Variants in SH3KBP1 observed in about 807,000 individuals in gnomAD.
The protein encoded by SH3KBP1 is SH3 domain-containing kinase-binding protein 1.
Under a neutral mutation model 50.1 loss-of-function variants are expected in SH3KBP1, and 8 were observed. That is an observed-to-expected ratio of 0.16 (90% CI 0.09 to 0.29). The LOEUF (loss-of-function observed/expected upper bound fraction) is 0.29. Among genes scored for constraint, SH3KBP1 ranks in the 10% least tolerant of loss-of-function variants. The probability of loss-of-function intolerance (pLI) is 1.00; values close to 1 mark genes in which losing one functional copy is unlikely to be tolerated. For synonymous variants in SH3KBP1, 227 were observed against 218.6 expected, an observed-to-expected ratio of 1.04 and a Z score of -0.34; for missense variants, 377 against 535.2, an observed-to-expected ratio of 0.70 and a Z score of 2.92.
chrX:19,559,274 CAAAAAAAAAAA>C (rs369794445), intron 13 of SH3KBP1, among the ~76,000 whole-genome samples: 1 of 8,616 alleles, frequency 1.2e-4, no homozygotes, highest in East Asian at 5.4e-3. Context: ...TCTGTCTCAC[CAAAAAAAAAAA>C]AAAAAAAAAA....
At chrX:19,878,301 C>CT (rs397956540) in intron 1 of SH3KBP1, among the ~76,000 whole-genome samples, 22,125 of 92,770 alleles carry the variant, frequency 0.24, 4,009 homozygotes, top group African/African-American at 0.56. Flanking sequence ...TGATGTAGAC[C>CT]TTTTTTTTTT....
chrX:19,695,712 G>A lies in SH3KBP1; in HGVS notation c.420C>T (p.Leu140=). The change falls in exon 5 of 18, where the codon CTC becomes CTT. Residue 140 remains leucine, a synonymous_variant. Coordinates refer to ENST00000397821, the MANE Select transcript of SH3KBP1 (RefSeq NM_031892.3). The stretch of plus-strand genomic sequence containing the variant: ...AAGGAAACATTCCAGTCTTCCCGTT[G>A]AGAACACCTTCCCACCATCCTTCCT... ...EVEEGWWEGV[L]NGKTGMFPSN... 1 of 1,209,718 alleles carries A rather than the reference G, an allele frequency of 8.3e-7. No homozygotes were observed. The highest frequency in any genetic ancestry group is 1.1e-6 in the Non-Finnish European group (1 of 894,475).
At chrX:19,765,337 G>A (rs1405601111) in intron 2 of SH3KBP1, among the ~76,000 whole-genome samples, 1 of 111,098 alleles carries the variant, frequency 9.0e-6, no homozygotes, top group Non-Finnish European at 1.9e-5. Flanking sequence ...CTAAAATGGA[G>A]GTGTTGGCAG....
At chrX:19,736,720 C>T (rs2064589028) in intron 3 of SH3KBP1, among the ~76,000 whole-genome samples, 1 of 111,030 alleles carries the variant, frequency 9.0e-6, no homozygotes, top group African/African-American at 3.3e-5. Flanking sequence ...CACAAAAAGC[C>T]AAGAATCCAA....
Position 19,534,781 on chromosome X carries a change from T to C in SH3KBP1, c.*1636A>G, listed in dbSNP as rs1018620885. 6.8e-6 allele frequency: 2 copies of C among 296,146 alleles called. No individual in the cohort carries two copies. Among genetic ancestry groups the C allele is most frequent in the Non-Finnish European group, 1.2e-5 (2 of 169,840 alleles). 24.4% of individuals were successfully genotyped at this position (296,146 alleles called of 1,213,427 possible). On this transcript the variant is annotated 3_prime_UTR_variant, in exon 18 of 18. Coordinates refer to ENST00000397821, the MANE Select transcript of SH3KBP1 (RefSeq NM_031892.3). ...CAAGGTGTTTGGGCTCCTTAAATAC[T>C]CGGAGGGAAATAACAGCCTCAAGTA...
chrX:19,766,563 G>T (rs1245685895), intron 2 of SH3KBP1, among the ~76,000 whole-genome samples: 1 of 86,803 alleles, frequency 1.2e-5, no homozygotes, highest in Non-Finnish European at 2.1e-5. Context: ...GGAGTGCAGT[G>T]GCACAATCTC....
intron 3 of SH3KBP1, among the ~76,000 whole-genome samples, chrX:19,723,480 T>G (rs1283032187): frequency 8.9e-6 from 1 of 112,209 alleles, no homozygotes; most frequent in Non-Finnish European, 1.9e-5. Flanking sequence ...ATCTGTGTTT[T>G]TAAAAAATGC....
At chrX:19,621,968 A>G (rs907998313) in intron 8 of SH3KBP1, among the ~76,000 whole-genome samples, 1 of 112,726 alleles carries the variant, frequency 8.9e-6, no homozygotes, top group Non-Finnish European at 1.9e-5. Context: ...AAAAGAATGC[A>G]TTTAATAGTT....
intron 1 of SH3KBP1, among the ~76,000 whole-genome samples, chrX:19,883,458 G>A (rs973587491): frequency 9.8e-5 from 11 of 111,796 alleles, no homozygotes; most frequent in African/African-American, 3.6e-4. Context: ...AACAGTCCAG[G>A]CTATACCTGG....
chrX:19,730,847 C>T (rs1329135406), intron 3 of SH3KBP1, among the ~76,000 whole-genome samples: 1 of 111,943 alleles, frequency 8.9e-6, no homozygotes, highest in African/African-American at 3.2e-5. Context: ...AGGTCTGGCC[C>T]ATGTACTCCA....
intron 6 of SH3KBP1, among the ~76,000 whole-genome samples, chrX:19,663,273 T>G (rs112217312): frequency 1.9e-4 from 21 of 112,103 alleles, no homozygotes; most frequent in African/African-American, 6.8e-4. Context: ...CACGTGCTTC[T>G]TAAATGGTGC....
At chrX:19,691,346 C>CTA (rs1431182379) in intron 5 of SH3KBP1, among the ~76,000 whole-genome samples, 4 of 96,102 alleles carry the variant, frequency 4.2e-5, no homozygotes, top group African/African-American at 1.2e-4. Context: ...CTCTCTCTCT[C>CTA]TCTCTCTCTC....
At chrX:19,671,049 G>A in intron 6 of SH3KBP1, 1 of 1,026,084 alleles carries the variant, frequency 9.7e-7, no homozygotes, top group Non-Finnish European at 1.3e-6. Context: ...CAGGAAGCCA[G>A]GGCCAATTCA....
At position 19,542,097 on chromosome X, in the gene SH3KBP1, G is replaced by A. The variant is rs767654497; in HGVS notation, c.1720C>T (p.Leu574=). The change falls in exon 16 of 18, where the codon CTG becomes TTG. Residue 574 remains leucine, a synonymous_variant. Transcript: ENST00000397821. The part of the protein sequence containing the change: ...APLSSAAPSP[L]SSSLGTAGHR... ...CCAGCTGTTCCCAAAGAGGATGACA[G>A]GGGGGAGGGCGCCGCTGAGGACAGA... is the stretch of plus-strand genomic sequence containing the variant. 8.3e-6 allele frequency: 10 copies of A among 1,209,373 alleles called. No homozygotes were observed. Among genetic ancestry groups the A allele is most frequent in the South Asian group, 3.5e-5 (2 of 56,673 alleles).
intron 4 of SH3KBP1, 124 bp downstream of exon 4, chrX:19,706,757 A>T: frequency 5.9e-6 from 3 of 504,652 alleles, no homozygotes; most frequent in Non-Finnish European, 1.0e-5. Flanking sequence ...AGACTCAACT[A>T]GAGGATCCCT....
At chrX:19,665,267 T>C (rs1039294121) in intron 6 of SH3KBP1, among the ~76,000 whole-genome samples, 2 of 112,332 alleles carry the variant, frequency 1.8e-5, no homozygotes, top group Non-Finnish European at 3.8e-5. Flanking sequence ...TCTACCTTCC[T>C]CATTTTAAAT....
At chrX:19,682,624 AAT>A (rs2063081540) in intron 6 of SH3KBP1, among the ~76,000 whole-genome samples, 1 of 111,131 alleles carries the variant, frequency 9.0e-6, no homozygotes, top group South Asian at 3.8e-4. Context: ...GATCTTGAAA[AAT>A]ATCATATATT....
At chrX:19,653,450 C>T (rs1170868611) in intron 6 of SH3KBP1, among the ~76,000 whole-genome samples, 11 of 111,017 alleles carry the variant, frequency 9.9e-5, no homozygotes, top group Non-Finnish European at 1.3e-4. Flanking sequence ...CGGTGGCTTA[C>T]GCCTGTAATC....
chrX:19,646,347 C>A (rs2061988808), intron 6 of SH3KBP1, among the ~76,000 whole-genome samples: 1 of 112,069 alleles, frequency 8.9e-6, no homozygotes, highest in East Asian at 2.8e-4. Flanking sequence ...CTCAGCAGCT[C>A]AAAAATAGAA....
Sources: gnomAD v4.1 joint callset for allele counts (sites outside exome capture counted in the v4.1 genomes callset) on GRCh38, gnomAD v4.1.1 for gene constraint, MANE v1.5 for transcripts, NCBI Gene and HGNC (gene_info 2026-07-23, HGNC 2026-07-21) for gene names.